The following ZNF112 variants were observed in gnomAD, a reference collection of about 807,000 sequenced individuals.
ZNF112 encodes the protein zinc finger protein 112, also known as zinc finger protein 112 (Y14).
A neutral mutation model predicts 77.7 loss-of-function variants in ZNF112; 37 were observed. The observed-to-expected ratio is 0.48, with a 90% confidence interval of 0.37 to 0.63. The LOEUF is 0.63. Among genes scored for constraint, ZNF112 ranks in the 20% least tolerant of loss-of-function variants. ZNF112 has a pLI of 0.00. For missense variants in ZNF112, 950 were observed against 1,077.4 expected (o/e 0.88, Z 1.66); for synonymous variants, 333 against 363.6 (o/e 0.92, Z 0.96).
At chr19:44,334,596 C>T (rs1021439514) in intron 3 of ZNF112, among the ~76,000 whole-genome samples, 1 of 152,260 alleles carries the variant, frequency 6.6e-6, no homozygotes, top group African/African-American at 2.4e-5. Flanking sequence ...TTCTGTGGCT[C>T]AGGCCCAGGG....
intron 2 of ZNF112, among the ~76,000 whole-genome samples, chr19:44,339,095 G>A (rs529679433): frequency 1.3e-5 from 2 of 152,064 alleles, no homozygotes; most frequent in African/African-American, 4.8e-5. Flanking sequence ...TTGGCTTTAT[G>A]GATAAAATCA....
At chr19:44,341,104 C>T (rs976653507) in intron 1 of ZNF112, 4 of 455,332 alleles carry the variant, frequency 8.8e-6, no homozygotes, top group African/African-American at 2.0e-5. Flanking sequence ...TATGGTGAAA[C>T]TTATACCATA....
chr19:44,330,536 G>GACC (rs1206554091), intron 3 of ZNF112, among the ~76,000 whole-genome samples: 3 of 152,186 alleles, frequency 2.0e-5, no homozygotes, highest in Non-Finnish European at 4.4e-5. Flanking sequence ...AGGAGTTTGA[G>GACC]ACCAGCCTGG....
intron 2 of ZNF112, among the ~76,000 whole-genome samples, chr19:44,337,024 T>G (rs2123162744): frequency 6.6e-6 from 1 of 151,586 alleles, no homozygotes; most frequent in South Asian, 2.1e-4. Flanking sequence ...ACCATGGGTG[T>G]GCATCATTAT....
Position 44,327,104 on chromosome 19 carries a change from G to GT in ZNF112, c.*328dup, listed in dbSNP as rs1970137000. On this transcript the variant is annotated 3_prime_UTR_variant, in exon 4 of 4. Transcript: ENST00000354340. ...CTACATTGCGTTATGAAATGTCCTA[G>GT]TTTTGTAGACTAGCAATGAACAAAG... is the stretch of plus-strand genomic sequence containing the variant. 4.9e-6 allele frequency: 1 copy of GT among 205,442 alleles called. No individual in the cohort carries two copies. The allele number at this position is 205,442 out of a possible 1,614,324, so 12.7% of individuals were successfully genotyped here. A position where few individuals can be genotyped will look rare whatever the true frequency, so the allele number is the denominator to read the frequency against.
chr19:44,357,100 C>T (rs1479228939), upstream of ZNF112, among the ~76,000 whole-genome samples: 1 of 152,204 alleles, frequency 6.6e-6, no homozygotes, highest in Non-Finnish European at 1.5e-5. Flanking sequence ...GTCTCTTTCT[C>T]GTTTGGATAG....
At chr19:44,366,558 C>A (rs1970906348) in intron 1 of ZNF112, among the ~76,000 whole-genome samples, 1 of 152,166 alleles carries the variant, frequency 6.6e-6, no homozygotes, top group East Asian at 1.9e-4. Context: ...CTGTGACCAT[C>A]TGCGAGAAAT....
intron 3 of ZNF112, among the ~76,000 whole-genome samples, chr19:44,333,329 A>AGATC (rs1458037708): frequency 3.9e-5 from 6 of 152,216 alleles, no homozygotes; most frequent in African/African-American, 1.4e-4. Context: ...ACCCAGGCTG[A>AGATC]GATCACCTTC....
chr19:44,340,765 G>A (rs934384989), intron 1 of ZNF112, among the ~76,000 whole-genome samples: 2 of 152,168 alleles, frequency 1.3e-5, no homozygotes, highest in Non-Finnish European at 2.9e-5. Context: ...TTATAAGTAA[G>A]CCTCTGGAAC....
intron 1 of ZNF112, among the ~76,000 whole-genome samples, chr19:44,351,168 C>T (rs774606793): frequency 3.3e-5 from 5 of 152,042 alleles, no homozygotes; most frequent in Middle Eastern, 3.2e-3. Context: ...TCACTTTCTT[C>T]TAATTTTGAT....
intron 1 of ZNF112, chr19:44,341,039 G>T (rs1475436361): frequency 4.7e-6 from 2 of 423,428 alleles, no homozygotes; most frequent in African/African-American, 4.1e-5. Context: ...GGATCTGGGC[G>T]CTCTGCCCAA....
At chr19:44,345,090 A>G (rs1459990678) in intron 1 of ZNF112, among the ~76,000 whole-genome samples, 1 of 152,188 alleles carries the variant, frequency 6.6e-6, no homozygotes, top group African/African-American at 2.4e-5. Context: ...GCTCACCGGT[A>G]TCAATGGGGA....
At chr19:44,334,775 C>A (rs1460090271) in intron 3 of ZNF112, among the ~76,000 whole-genome samples, 2 of 152,260 alleles carry the variant, frequency 1.3e-5, no homozygotes, top group Non-Finnish European at 2.9e-5. Context: ...GTGCAGAGGG[C>A]AAGAGCTGAG....
At chr19:44,358,013 G>C (rs1361644799), upstream of ZNF112, among the ~76,000 whole-genome samples, 1 of 152,034 alleles carries the variant, frequency 6.6e-6, no homozygotes, top group Non-Finnish European at 1.5e-5. Flanking sequence ...TTAGCCGGGC[G>C]TGGTGGCGGG....
intron 1 of ZNF112, chr19:44,343,169 C>T (rs1970522376): frequency 2.7e-6 from 4 of 1,466,234 alleles, no homozygotes; most frequent in Non-Finnish European, 3.8e-6. Context: ...ATTCTTTACC[C>T]TTGGCAAAGA....
intron 3 of ZNF112, among the ~76,000 whole-genome samples, chr19:44,336,246 C>T (rs1056054021): frequency 2.6e-5 from 4 of 152,156 alleles, no homozygotes; most frequent in Non-Finnish European, 4.4e-5. Context: ...CAGATTTATT[C>T]TACACCTATT....
chr19:44,335,411 A>G (rs769456590), intron 3 of ZNF112, among the ~76,000 whole-genome samples: 2 of 152,244 alleles, frequency 1.3e-5, no homozygotes, highest in Non-Finnish European at 2.9e-5. Context: ...CAAAGAAGAA[A>G]AATTAGTATA....
At chr19:44,336,849 C>A in intron 2 of ZNF112, 131 bp from the exon 3 acceptor site, 1 of 656,922 alleles carries the variant, frequency 1.5e-6, no homozygotes. Context: ...ACCTTCCACT[C>A]ACTATAAGAA....
Position 44,336,722 on chromosome 19 carries a change from T to C in ZNF112, c.125-4A>G, listed in dbSNP as rs754533590. ...TCTGGCTTGAAGGGCTGATGTGCTGTAAAGAAGGAAAGGACAGCAAAAGTT... is the reference window on the plus strand; with the variant it reads ...TCTGGCTTGAAGGGCTGATGTGCTGCAAAGAAGGAAAGGACAGCAAAAGTT... On this transcript the variant is annotated splice_polypyrimidine_tract_variant and splice_region_variant and intron_variant, in intron 2 of 3. Coordinates refer to ENST00000354340, the MANE Select transcript of ZNF112 (RefSeq NM_013380.4). 3 of 1,613,602 alleles carry C rather than the reference T, an allele frequency of 1.9e-6. No homozygotes were observed. Among genetic ancestry groups the C allele is most frequent in the South Asian group, 2.2e-5 (2 of 91,064 alleles).
Sources: gnomAD v4.1 joint callset for allele counts (sites outside exome capture counted in the v4.1 genomes callset) on GRCh38, gnomAD v4.1.1 for gene constraint, MANE v1.5 for transcripts, NCBI Gene and HGNC (gene_info 2026-07-23, HGNC 2026-07-21) for gene names.